LIMS2: variants seen among roughly 807,000 people sequenced by gnomAD.
LIMS2 encodes the protein LIM zinc finger domain containing 2.
In LIMS2, 30 loss-of-function variants were observed where a neutral mutation model predicts 45.3. The observed-to-expected ratio is 0.66, with a 90% CI of 0.50 to 0.90. The LOEUF is 0.90. LIMS2 is among the 40% of genes least tolerant of loss of function. The probability of loss-of-function intolerance (pLI) is 0.00; values close to 1 mark genes in which losing one functional copy is unlikely to be tolerated. For missense variants in LIMS2, 485 were observed against 468.7 expected, an observed-to-expected ratio of 1.03 and a Z score of -0.32; for synonymous variants, 173 against 188.0, an observed-to-expected ratio of 0.92 and a Z score of 0.65.
At chr2:127,652,400 A>G (rs1416161527) in intron 4 of LIMS2, 1 of 167,852 alleles carries the variant, frequency 6.0e-6, no homozygotes, top group African/African-American at 2.4e-5. Flanking sequence ...TGCAACCCCC[A>G]GAGCTCTTTG....
chr2:127,640,147 T>C lies in LIMS2; in HGVS notation c.803-2A>G, dbSNP rs1682259161. 1 of 1,613,128 alleles carries C rather than the reference T, an allele frequency of 6.2e-7. No homozygotes were observed. Among genetic ancestry groups the C allele is most frequent in the African/African-American group, 1.3e-5 (1 of 74,910 alleles). On this transcript the variant is annotated splice_acceptor_variant, in intron 8 of 9. Transcript: ENST00000355119. LOFTEE classifies it high-confidence loss of function. ...AGGCCTTGTTGAGGGCCGACACCAC[T>C]GTGAGGGAAGCGTGGGACTCAGCAG... is the stretch of plus-strand genomic sequence containing the variant.
chr2:127,663,654 C>G (rs545405166), intron 1 of LIMS2, among the ~76,000 whole-genome samples: 2 of 150,896 alleles, frequency 1.3e-5, no homozygotes, highest in Admixed American at 1.3e-4. Context: ...TTCTGCCCAG[C>G]CTTGGCCTCC....
chr2:127,668,697 AAAAAAAAAAAAAAAC>A (rs1558901446), intron 1 of LIMS2, among the ~76,000 whole-genome samples: 14 of 85,760 alleles, frequency 1.6e-4, no homozygotes, highest in South Asian at 8.8e-4. Context: ...AAAAAAAAAA[AAAAAAAAAAAAAAAC>A]ACCTTACTTA....
At chr2:127,655,648 TGA>T (rs1201290305) in intron 2 of LIMS2, 1 of 152,810 alleles carries the variant, frequency 6.5e-6, no homozygotes, top group Non-Finnish European at 1.5e-5. Flanking sequence ...CTGCTGTGTG[TGA>T]GAGAGAGAGG....
Position 127,664,472 on chromosome 2 carries a change from C to A in LIMS2, c.12-6910G>T. Reference sequence around the variant, plus strand: ...GACCACCTCGGAGGGGAGGCGCGGCCGCCTGGGGCCAGACACCAAGACGGG... The same window carrying A: ...GACCACCTCGGAGGGGAGGCGCGGCAGCCTGGGGCCAGACACCAAGACGGG... On this transcript the variant is annotated intron_variant, in intron 1 of 9. Transcript: ENST00000355119. This position sits in a 1 kb window ranked among gnomAD's most constrained non-coding sequence, Gnocchi z 5.5. 8.5e-7 allele frequency: 1 copy of A among 1,179,038 alleles called. No homozygotes were observed. The highest frequency in any genetic ancestry group is 1.0e-6 in the Non-Finnish European group (1 of 954,162). The allele number at this position is 1,179,038 out of a possible 1,614,324, so 73.0% of individuals were successfully genotyped here.
chr2:127,675,113 G>A lies in LIMS2; in HGVS notation c.-89C>T, dbSNP rs1250795467. 127 of 1,170,444 alleles carry A rather than the reference G, an allele frequency of 1.1e-4. No homozygotes were observed. Among genetic ancestry groups the A allele is most frequent in the Non-Finnish European group, 1.3e-4 (125 of 939,130 alleles). The allele number at this position is 1,170,444 out of a possible 1,614,324, so 72.5% of individuals were successfully genotyped here. A position where few individuals can be genotyped will look rare whatever the true frequency, so the allele number is the denominator to read the frequency against. On this transcript the variant is annotated 5_prime_UTR_variant, in exon 1 of 10. Coordinates refer to ENST00000355119, the MANE Select transcript of LIMS2 (RefSeq NM_001161403.3). ...CCGCCAGCCGAGCGCCCGCCCGCCA[G>A]CCCGGGCCGCGGAGCAGGGAGACGC... is the stretch of plus-strand genomic sequence containing the variant.
chr2:127,673,444 A>T (rs1685360760), intron 1 of LIMS2, among the ~76,000 whole-genome samples: 1 of 152,190 alleles, frequency 6.6e-6, no homozygotes, highest in Non-Finnish European at 1.5e-5. Flanking sequence ...CTTGGAGCCC[A>T]CAGCAGCAAG....
rs553431830 is a variant in LIMS2, at chr2:127,655,158, T to C, written c.172-262A>G. On this transcript the variant is annotated intron_variant, in intron 2 of 9. Transcript: ENST00000355119. The stretch of plus-strand genomic sequence containing the variant: ...CTGTCAAAGGGCCACTGGTGTCTAC[T>C]GAGGATCTGGACCCTGTTGGTCCGG... The C allele has an allele frequency of 1.9e-5, 11 of 575,622 alleles. No homozygotes were observed. The East Asian group carries it at 2.4e-4, about 12-fold the overall frequency. 35.7% of individuals were successfully genotyped at this position (575,622 alleles called of 1,614,324 possible). A position where few individuals can be genotyped will look rare whatever the true frequency, so the allele number is the denominator to read the frequency against.
chr2:127,651,694 C>T (rs776316725), intron 4 of LIMS2: 32 of 1,613,046 alleles, frequency 2.0e-5, no homozygotes, highest in Admixed American at 5.0e-5. Flanking sequence ...CTCAAGGGCC[C>T]GCCCCCCAGC....
At position 127,638,501 on chromosome 2, in the gene LIMS2, G is replaced by A. The variant is rs1682067436; in HGVS notation, c.*780C>T. 1 of 152,702 alleles carries A rather than the reference G, an allele frequency of 6.5e-6. No homozygotes were observed. The highest frequency in any genetic ancestry group is 1.5e-5 in the Non-Finnish European group (1 of 68,138). The allele number at this position is 152,702 out of a possible 1,614,324, so 9.5% of individuals were successfully genotyped here. On this transcript the variant is annotated 3_prime_UTR_variant, in exon 10 of 10. Transcript: ENST00000355119. ...CAGGTCTGCGCTGGCCGAAGACGAAGCGTCCTCCCTGGAGGTGGGAACAAG... is the reference window on the plus strand; with the variant it reads ...CAGGTCTGCGCTGGCCGAAGACGAAACGTCCTCCCTGGAGGTGGGAACAAG...
At chr2:127,640,174 C>T (rs776387190) in intron 8 of LIMS2, 29 bp from the exon 9 acceptor site, 6 of 1,612,748 alleles carry the variant, frequency 3.7e-6, no homozygotes, top group African/African-American at 1.3e-5. Flanking sequence ...ACTCAGCAGG[C>T]CTGGCTAGGC....
chr2:127,668,791 T>C lies in LIMS2; in HGVS notation c.11+6223A>G, dbSNP rs573627203. On this transcript the variant is annotated intron_variant, in intron 1 of 9. Transcript: ENST00000355119. ...GTGTAAGGATAGACATATACACCCA[T>C]AGAACAGAACCAAGAGTCCAGAAAT... Among the ~76,000 whole-genome samples, 6 of 137,864 alleles carry C rather than the reference T, an allele frequency of 4.4e-5. No homozygotes were observed. In the East Asian group the frequency reaches 1.5e-3, roughly 34 times the overall value. 90.4% of individuals were successfully genotyped at this position (137,864 alleles called of 152,430 possible). A position where few individuals can be genotyped will look rare whatever the true frequency, so the allele number is the denominator to read the frequency against.
At chr2:127,679,836 A>G (rs185922961), upstream of LIMS2, among the ~76,000 whole-genome samples, 16 of 152,248 alleles carry the variant, frequency 1.1e-4, no homozygotes, top group Non-Finnish European at 2.4e-4. This position sits in a 1 kb window ranked among gnomAD's most constrained non-coding sequence, Gnocchi z 5.3. Flanking sequence ...GGGAATGGAG[A>G]AGGCCTTGCA....
intron 4 of LIMS2, chr2:127,650,409 G>T (rs566269595): frequency 3.8e-6 from 2 of 529,868 alleles, no homozygotes. Flanking sequence ...CCCATTCCCC[G>T]CCATGGCACT....
At position 127,657,498 on chromosome 2, in the gene LIMS2, C is replaced by G; in HGVS notation, c.76G>C (p.Glu26Gln). ...QRCQARFSPA[E>Q]RIVNSNGELY... Reference sequence around the variant, plus strand: ...TCCCCATTGCTGTTGACAATGCGCTCGGCGGGGGAGAAGCGGGCCTGGCAG... The same window carrying G: ...TCCCCATTGCTGTTGACAATGCGCTGGGCGGGGGAGAAGCGGGCCTGGCAG... Residue 26 changes from glutamate to glutamine, a missense_variant, in exon 2 of 10, where the codon GAG becomes CAG. Physicochemically the swap from Glu to Gln is conservative, Grantham distance 29. Transcript: ENST00000355119. 6.2e-7 allele frequency: 1 copy of G among 1,613,262 alleles called. No individual in the cohort carries two copies. The highest frequency in any genetic ancestry group is 8.5e-7 in the Non-Finnish European group (1 of 1,179,816).
Position 127,640,070 on chromosome 2 carries a change from T to A in LIMS2, c.878A>T (p.Lys293Met). The change falls in exon 9 of 10, where the codon AAG (lysine) becomes ATG (methionine). Residue 293 changes from lysine to methionine, a missense_variant and splice_region_variant. Physicochemically the swap from Lys to Met is moderately conservative, Grantham distance 95 (BLOSUM62 -1). Transcript: ENST00000355119. Reference protein sequence around the residue: ...CSTCNSKLTLKNKFVEFDMKP... With the variant: ...CSTCNSKLTLMNKFVEFDMKP... ...CCATCCCACGATCACAGGGACTCAC[T>A]TCAGGGTGAGCTTGCTGTTGCAGGT... is the stretch of plus-strand genomic sequence containing the variant. 6.2e-7 allele frequency: 1 copy of A among 1,613,374 alleles called. No individual in the cohort carries two copies. The highest frequency in any genetic ancestry group is 8.5e-7 in the Non-Finnish European group (1 of 1,179,936).
chr2:127,668,088 A>G (rs186662346), intron 1 of LIMS2, among the ~76,000 whole-genome samples: 1,633 of 152,346 alleles, frequency 0.011, 16 homozygotes, highest in Non-Finnish European at 0.016. Flanking sequence ...CAAAATGAAT[A>G]AAATACTTAG....
chr2:127,669,093 G>A (rs1685165862), intron 1 of LIMS2, among the ~76,000 whole-genome samples: 2 of 151,914 alleles, frequency 1.3e-5, no homozygotes, highest in Non-Finnish European at 2.9e-5. Context: ...ACCCTGTCTC[G>A]AGAGTCCAAA....
rs1263150739 is a variant in LIMS2 at position 127,653,356 on chromosome 2, A to G, written c.359+1068T>C. Among the ~76,000 whole-genome samples, 1 of 152,216 alleles carries G rather than the reference A, an allele frequency of 6.6e-6. No individual in the cohort carries two copies. The highest frequency in any genetic ancestry group is 2.4e-5 in the African/African-American group (1 of 41,442). Reference sequence around the variant, plus strand: ...CAGAGGCAGCCTTGGTGGTCAGTGGAGGAGAATCCCAAACTGCTTGTGCCT... The same window carrying G: ...CAGAGGCAGCCTTGGTGGTCAGTGGGGGAGAATCCCAAACTGCTTGTGCCT... On this transcript the variant is annotated intron_variant, in intron 4 of 9. Transcript: ENST00000355119. This position sits in a 1 kb window ranked among gnomAD's most constrained non-coding sequence, Gnocchi z 5.3.
Sources: gnomAD v4.1 joint callset for allele counts (sites outside exome capture counted in the v4.1 genomes callset) on GRCh38, gnomAD v4.1.1 for gene constraint, Gnocchi (gnomAD v3.1) non-coding constraint, MANE v1.5 for transcripts, NCBI Gene and HGNC (gene_info 2026-07-23, HGNC 2026-07-21) for gene names.